The following SLC26A7 variants were observed in gnomAD, a reference collection of about 807,000 sequenced individuals.
SLC26A7 encodes solute carrier family 26 member 7, also known as anion exchange transporter.
In SLC26A7, 59 loss-of-function variants were observed where a neutral mutation model predicts 82.5. That is an observed-to-expected ratio of 0.72 (90% CI 0.58 to 0.89). The LOEUF is 0.89. Ranked by LOEUF, SLC26A7 falls within the 40% of genes least tolerant of loss-of-function variation. The pLI, the probability that SLC26A7 is intolerant of heterozygous loss-of-function variation, is 0.00. For synonymous variants in SLC26A7, 271 were observed against 274.3 expected (o/e 0.99, Z 0.12); for missense variants, 820 against 793.0 (o/e 1.03, Z -0.41).
intron 2 of SLC26A7, among the ~76,000 whole-genome samples, chr8:91,228,360 A>T (rs2130671110): frequency 6.6e-6 from 1 of 152,342 alleles, no homozygotes; most frequent in East Asian, 1.9e-4. Context: ...AAGGCAAAGG[A>T]TATATAATCA....
chr8:91,225,265 G>A (rs1291838367), intron 2 of SLC26A7, among the ~76,000 whole-genome samples: 2 of 152,164 alleles, frequency 1.3e-5, no homozygotes, highest in South Asian at 2.1e-4. Flanking sequence ...AAGAATCTGC[G>A]AGTTCTGGGG....
chr8:91,339,550 G>A (rs1042197485), intron 7 of SLC26A7, among the ~76,000 whole-genome samples: 2 of 151,672 alleles, frequency 1.3e-5, no homozygotes, highest in African/African-American at 4.9e-5. Flanking sequence ...ATTATGAAAG[G>A]GCCAAGCATT....
In SLC26A7 at chr8:91,249,376, T is replaced by C. The variant is rs1810595335; in HGVS notation, c.-151T>C. ...TCCAAGACCAGAAAAAAATATTACA[T>C]GAACAGGAACTACTTCTCCTTCAGA... On this transcript the variant is annotated 5_prime_UTR_variant, in exon 1 of 19. The change abolishes an upstream ATG in the 5' untranslated region. Transcript: ENST00000276609. The C allele has an allele frequency of 4.0e-6, 1 of 252,332 alleles. No homozygotes were observed. The highest frequency in any genetic ancestry group is 5.5e-5 in the Admixed American group (1 of 18,262). The allele number at this position is 252,332 out of a possible 1,614,324, so 15.6% of individuals were successfully genotyped here.
At chr8:91,353,022 A>G (rs1477652596) in intron 11 of SLC26A7, 26 bp downstream of exon 11, 2 of 1,501,510 alleles carry the variant, frequency 1.3e-6, no homozygotes, top group African/African-American at 2.8e-5. Context: ...ACCTAAAACA[A>G]TCCCTTTTTA....
At chr8:91,326,919 C>T (rs1353775950) in intron 5 of SLC26A7, among the ~76,000 whole-genome samples, 1 of 152,176 alleles carries the variant, frequency 6.6e-6, no homozygotes, top group Admixed American at 6.6e-5. Flanking sequence ...TCTGTCTTCA[C>T]ATGGCCTTCC....
At chr8:91,347,333 A>G (rs139687190) in intron 9 of SLC26A7, among the ~76,000 whole-genome samples, 1 of 152,334 alleles carries the variant, frequency 6.6e-6, no homozygotes, top group Admixed American at 6.5e-5. Flanking sequence ...ACATAATATG[A>G]GCTACACAGA....
At chr8:91,369,470 A>G (rs1373878950) in intron 14 of SLC26A7, among the ~76,000 whole-genome samples, 1 of 152,088 alleles carries the variant, frequency 6.6e-6, no homozygotes, top group Non-Finnish European at 1.5e-5. Flanking sequence ...TTTCTGATTG[A>G]ATATGCTACT....
chr8:91,362,420 T>C lies in SLC26A7; in HGVS notation c.1382T>C (p.Val461Ala). ...GCCAATGTGGGACTGCTGTTTGGTG[T>C]TGTTTGTACCATAGCTATAGTGATA... Reference protein sequence around the residue: ...FAANVGLLFGVVCTIAIVIGR... With the variant: ...FAANVGLLFGAVCTIAIVIGR... The change falls in exon 12 of 19, where the codon GTT (valine) becomes GCT (alanine). Residue 461 changes from valine to alanine, a missense_variant. Coordinates refer to ENST00000276609, the MANE Select transcript of SLC26A7 (RefSeq NM_052832.4). The C allele has an allele frequency of 6.2e-7, 1 of 1,613,406 alleles. No homozygotes were observed. The highest frequency in any genetic ancestry group is 8.5e-7 in the Non-Finnish European group (1 of 1,179,448).
At chr8:91,257,598 T>G (rs1810839411) in intron 2 of SLC26A7, among the ~76,000 whole-genome samples, 1 of 152,070 alleles carries the variant, frequency 6.6e-6, no homozygotes, top group Non-Finnish European at 1.5e-5. Context: ...TTCTTCTCAT[T>G]TAACACCATT....
chr8:91,248,252 C>T (rs558624671), upstream of SLC26A7, among the ~76,000 whole-genome samples: 155 of 152,156 alleles, frequency 1.0e-3, 1 homozygote, highest in South Asian at 4.1e-4. Context: ...TGCGTCTCTT[C>T]GTTGGATTTA....
chr8:91,338,126 CT>C, intron 6 of SLC26A7, 23 bp from the exon 7 acceptor site: 1 of 1,572,766 alleles, frequency 6.4e-7, no homozygotes, highest in Admixed American at 1.9e-5. Flanking sequence ...TATATTTTTT[CT>C]TTTTTCAAAT....
chr8:91,238,687 A>G (rs1810425369), intron 2 of SLC26A7, among the ~76,000 whole-genome samples: 1 of 151,856 alleles, frequency 6.6e-6, no homozygotes, highest in African/African-American at 2.4e-5. Flanking sequence ...AAAGACTCCT[A>G]CAATCCCGGT....
At chr8:91,370,940 G>A (rs1814341782) in intron 15 of SLC26A7, among the ~76,000 whole-genome samples, 1 of 151,702 alleles carries the variant, frequency 6.6e-6, no homozygotes, top group African/African-American at 2.4e-5. Flanking sequence ...ATTTTTATTG[G>A]AAATCTTTGA....
At chr8:91,361,274 A>G (rs2130868609) in intron 11 of SLC26A7, among the ~76,000 whole-genome samples, 1 of 152,274 alleles carries the variant, frequency 6.6e-6, no homozygotes, top group African/African-American at 2.4e-5. Flanking sequence ...CAACAAAAAG[A>G]GCCCTTTAGA....
chr8:91,375,261 G>GT (rs143761529), intron 15 of SLC26A7, among the ~76,000 whole-genome samples: 8,808 of 151,992 alleles, frequency 0.058, 372 homozygotes, highest in African/African-American at 0.13. Flanking sequence ...GATTTGTGAG[G>GT]TTTTGTTTCT....
At chr8:91,289,287 A>G (rs747319380) in intron 3 of SLC26A7, 41 bp downstream of exon 3, 2 of 1,465,664 alleles carry the variant, frequency 1.4e-6, no homozygotes. Context: ...TTACTCGCAA[A>G]AAAGACTTAG....
intron 16 of SLC26A7, among the ~76,000 whole-genome samples, chr8:91,390,808 G>A (rs1814945393): frequency 6.6e-6 from 1 of 152,226 alleles, no homozygotes; most frequent in South Asian, 2.1e-4. Flanking sequence ...AAACTGCTTT[G>A]CGGCAGAAAG....
chr8:91,332,103 G>A lies in SLC26A7; in HGVS notation c.643-2192G>A, dbSNP rs182286586. Among the ~76,000 whole-genome samples, 363 of 148,888 alleles carry A rather than the reference G, an allele frequency of 2.4e-3. 1 individual carries two copies. The highest frequency in any genetic ancestry group is 0.012 in the Middle Eastern group (3 of 250). On this transcript the variant is annotated intron_variant, in intron 5 of 18. Transcript: ENST00000276609. ...TGGATAATCTTTAATATTGGATAAT[G>A]CAACTGTTATATTTCTGGGTTCTTA...
chr8:91,259,377 A>G lies in SLC26A7; in HGVS notation c.193+9533A>G, dbSNP rs550958294. ...CTGTTTTATTCTGCTCAGCTCTAGA[A>G]CAGATGTTCTCAAACTCAGCTCAAG... On this transcript the variant is annotated intron_variant, in intron 2 of 18. Transcript: ENST00000276609. Among the ~76,000 whole-genome samples, 4 of 152,210 alleles carry G rather than the reference A, an allele frequency of 2.6e-5. No homozygotes were observed. The East Asian group carries it at 7.7e-4, about 29-fold the overall frequency.
Sources: gnomAD v4.1 joint callset for allele counts (sites outside exome capture counted in the v4.1 genomes callset) on GRCh38, gnomAD v4.1.1 for gene constraint, MANE v1.5 for transcripts, NCBI Gene and HGNC (gene_info 2026-07-23, HGNC 2026-07-21) for gene names.